Variants in KIF26B observed in about 807,000 individuals in gnomAD.
KIF26B encodes the protein kinesin family member 26B.
KIF26B carries 63 observed loss-of-function variants against 151.2 expected under a neutral mutation model. The ratio of observed to expected loss-of-function variants is 0.42; its 90% CI spans 0.34 to 0.51. The LOEUF (loss-of-function observed/expected upper bound fraction) is 0.51. Among genes scored for constraint, KIF26B ranks in the 20% least tolerant of loss-of-function variants. The pLI is 0.07. For synonymous variants in KIF26B, 1,357 were observed against 1,262.1 expected (o/e 1.08, Z -1.59); for missense variants, 2,813 against 2,913.6 (o/e 0.97, Z 0.79).
At chr1:245,190,867 C>A (rs573404423) in intron 2 of KIF26B, among the ~76,000 whole-genome samples, 1 of 150,754 alleles carries the variant, frequency 6.6e-6, no homozygotes, top group African/African-American at 2.4e-5. Flanking sequence ...CGAGACCAGC[C>A]TGACCAAGAT....
rs376902047 is a variant in KIF26B at position 245,367,058 on chromosome 1, G to C, written c.690G>C (p.Leu230=). ...SPPPLSNIPT[L]VGSRHVGGLQ... ...CACCGCTCTCCAACATCCCCACCCT[G>C]GTGGGGTCCCGGCACGTGGGTGGGC... Residue 230 remains leucine (L), a synonymous_variant, in exon 3 of 15, where the codon CTG becomes CTC. Coordinates refer to ENST00000407071, the MANE Select transcript of KIF26B (RefSeq NM_018012.4). The surrounding 1 kb of genome is among the most constrained non-coding windows in gnomAD (Gnocchi z 4.2). The C allele has an allele frequency of 4.0e-5, 64 of 1,607,750 alleles. No homozygotes were observed. The highest frequency in any genetic ancestry group is 5.3e-5 in the Non-Finnish European group (62 of 1,177,178).
chr1:245,696,114 G>A (rs532339604), intron 12 of KIF26B, among the ~76,000 whole-genome samples: 3 of 152,252 alleles, frequency 2.0e-5, no homozygotes, highest in Admixed American at 6.5e-5. Flanking sequence ...ACACCCTTGT[G>A]TAGTCCCCTC....
At chr1:245,361,704 A>C (rs773901788) in intron 2 of KIF26B, among the ~76,000 whole-genome samples, 2 of 152,164 alleles carry the variant, frequency 1.3e-5, no homozygotes, top group Non-Finnish European at 2.9e-5. Context: ...TGCTGTCACT[A>C]CTGCGGTTGT....
chr1:245,416,438 G>A (rs972683491), intron 3 of KIF26B, among the ~76,000 whole-genome samples: 1 of 152,184 alleles, frequency 6.6e-6, no homozygotes, highest in African/African-American at 2.4e-5. Flanking sequence ...CATGTTTTGA[G>A]CATCTTTGTG....
At chr1:245,522,551 G>A (rs1661151655) in intron 4 of KIF26B, among the ~76,000 whole-genome samples, 1 of 152,194 alleles carries the variant, frequency 6.6e-6, no homozygotes, top group Non-Finnish European at 1.5e-5. Flanking sequence ...GTTGACATAA[G>A]AATCTAGTTT....
intron 10 of KIF26B, among the ~76,000 whole-genome samples, chr1:245,683,885 C>T (rs959362211): frequency 6.6e-6 from 1 of 152,152 alleles, no homozygotes; most frequent in Non-Finnish European, 1.5e-5. Flanking sequence ...GCCGAGTCAC[C>T]AGGCACAGAG....
intron 4 of KIF26B, among the ~76,000 whole-genome samples, chr1:245,509,670 A>G (rs1439011617): frequency 1.3e-5 from 2 of 152,200 alleles, no homozygotes; most frequent in African/African-American, 2.4e-5. Flanking sequence ...CCACCAGCTC[A>G]ATCAGAATCT....
At chr1:245,157,903 T>C (rs1448286020) in intron 2 of KIF26B, among the ~76,000 whole-genome samples, 2 of 152,262 alleles carry the variant, frequency 1.3e-5, no homozygotes, top group African/African-American at 4.8e-5. Context: ...CAATATTCAT[T>C]GATTTTCTAC....
intron 5 of KIF26B, among the ~76,000 whole-genome samples, chr1:245,552,234 G>T (rs1661904117): frequency 6.6e-6 from 1 of 151,210 alleles, no homozygotes; most frequent in Non-Finnish European, 1.5e-5. Flanking sequence ...GAGGTTGGCG[G>T]GCAGGCTGGA....
intron 3 of KIF26B, among the ~76,000 whole-genome samples, chr1:245,385,924 G>A (rs1488026397): frequency 6.6e-6 from 1 of 152,164 alleles, no homozygotes; most frequent in African/African-American, 2.4e-5. Context: ...AAAAGAGAGA[G>A]GATGGTGAGG....
intron 2 of KIF26B, among the ~76,000 whole-genome samples, chr1:245,195,409 C>A (rs1669173490): frequency 6.6e-6 from 1 of 152,178 alleles, no homozygotes; most frequent in African/African-American, 2.4e-5. Flanking sequence ...TGGTGGGCAA[C>A]CTTGTTCCCA....
chr1:245,276,711 T>C (rs1348998754), intron 2 of KIF26B, among the ~76,000 whole-genome samples: 2 of 152,158 alleles, frequency 1.3e-5, no homozygotes, highest in East Asian at 3.9e-4. Context: ...CCTGCCAGCT[T>C]TGATCATCTG....
At chr1:245,304,061 A>C (rs1671491513) in intron 2 of KIF26B, among the ~76,000 whole-genome samples, 1 of 152,234 alleles carries the variant, frequency 6.6e-6, no homozygotes, top group Non-Finnish European at 1.5e-5. Flanking sequence ...ATCTTTTTAC[A>C]CTAAGGAAGA....
chr1:245,165,289 G>A (rs1360815880), intron 2 of KIF26B, among the ~76,000 whole-genome samples: 1 of 152,160 alleles, frequency 6.6e-6, no homozygotes, highest in Non-Finnish European at 1.5e-5. Flanking sequence ...GGGGCCAGAG[G>A]GAGAAAAGAT....
intron 2 of KIF26B, among the ~76,000 whole-genome samples, chr1:245,321,529 G>A (rs1671886512): frequency 6.6e-6 from 1 of 152,194 alleles, no homozygotes; most frequent in Non-Finnish European, 1.5e-5. Context: ...AGGAAAATCA[G>A]CAAAACTCTC....
intron 4 of KIF26B, among the ~76,000 whole-genome samples, chr1:245,455,087 C>T (rs1269535850): frequency 6.6e-6 from 1 of 152,172 alleles, no homozygotes; most frequent in Non-Finnish European, 1.5e-5. Flanking sequence ...CTGTTGTTTG[C>T]GCCTCTGCAG....
chr1:245,501,595 G>A (rs370902040), intron 4 of KIF26B, among the ~76,000 whole-genome samples: 2 of 152,332 alleles, frequency 1.3e-5, no homozygotes, highest in East Asian at 1.9e-4. Context: ...ATAGAGATTA[G>A]TTTTTATCCG....
At chr1:245,670,935 A>G (rs1350904518) in intron 10 of KIF26B, among the ~76,000 whole-genome samples, 1 of 149,086 alleles carries the variant, frequency 6.7e-6, no homozygotes, top group Non-Finnish European at 1.5e-5. Context: ...TTCAAATACT[A>G]GATCTTATTC....
intron 12 of KIF26B, among the ~76,000 whole-genome samples, chr1:245,694,475 C>G (rs2044664791): frequency 6.6e-6 from 1 of 152,218 alleles, no homozygotes. Flanking sequence ...CCAGGGGGAG[C>G]TGAGAGGGCT....
Sources: gnomAD v4.1 joint callset for allele counts (sites outside exome capture counted in the v4.1 genomes callset) on GRCh38, gnomAD v4.1.1 for gene constraint, Gnocchi (gnomAD v3.1) non-coding constraint, MANE v1.5 for transcripts, NCBI Gene and HGNC (gene_info 2026-07-23, HGNC 2026-07-21) for gene names.